FHIT: variants seen among roughly 807,000 people sequenced by gnomAD.
FHIT encodes the protein bis(5'-adenosyl)-triphosphatase.
FHIT carries 19 observed loss-of-function variants against 17.9 expected under a neutral mutation model. That is an observed-to-expected ratio of 1.06 (90% confidence interval 0.74 to 1.56). FHIT has a LOEUF of 1.56. Ranked by LOEUF, FHIT falls within the 40% of genes most tolerant of loss-of-function variation. The probability of loss-of-function intolerance (pLI) is 0.00; values close to 1 mark genes in which losing one functional copy is unlikely to be tolerated. For missense variants in FHIT, 248 were observed against 189.2 expected (o/e 1.31, Z -1.82); for synonymous variants, 81 against 69.7 (o/e 1.16, Z -0.81).
chr3:60,964,995 A>G (rs1284382473), intron 3 of FHIT, among the ~76,000 whole-genome samples: 1 of 152,124 alleles, frequency 6.6e-6, no homozygotes, highest in Non-Finnish European at 1.5e-5. Context: ...TAGGTTTGGG[A>G]AGTTCTCCTG....
rs140130580 is a variant in FHIT, at chr3:60,061,981, A to T, written c.104-47829T>A. On this transcript the variant is annotated intron_variant, in intron 5 of 9. Coordinates refer to ENST00000492590, the MANE Select transcript of FHIT (RefSeq NM_002012.4). ...AAGACTGACTTACTGCTAGAAGGGGAAAAAATGAAGATACGTCTCATGTCA... is the reference window on the plus strand; with the variant it reads ...AAGACTGACTTACTGCTAGAAGGGGTAAAAATGAAGATACGTCTCATGTCA... Among the ~76,000 whole-genome samples the T allele has an allele frequency of 7.2e-5, 11 of 152,278 alleles. No individual in the cohort carries two copies. The East Asian group carries it at 1.5e-3, about 21-fold the overall frequency.
intron 3 of FHIT, among the ~76,000 whole-genome samples, chr3:61,038,883 C>T (rs1163233934): frequency 1.3e-5 from 2 of 152,106 alleles, no homozygotes; most frequent in African/African-American, 4.8e-5. Flanking sequence ...AAAACAGTGA[C>T]AGAAGAACCA....
At chr3:60,633,836 G>T (rs1260540885) in intron 4 of FHIT, among the ~76,000 whole-genome samples, 3 of 152,208 alleles carry the variant, frequency 2.0e-5, no homozygotes, top group African/African-American at 7.2e-5. Flanking sequence ...AAGCCACAGA[G>T]CGCCTCTGCG....
At chr3:60,567,536 A>G (rs549182630) in intron 4 of FHIT, among the ~76,000 whole-genome samples, 2 of 152,350 alleles carry the variant, frequency 1.3e-5, no homozygotes, top group African/African-American at 2.4e-5. Context: ...CATTCAGGAC[A>G]TAAGTATGGG....
At chr3:59,867,277 A>T (rs1702699210) in intron 8 of FHIT, among the ~76,000 whole-genome samples, 1 of 150,548 alleles carries the variant, frequency 6.6e-6, no homozygotes. Flanking sequence ...TAAAATTTGG[A>T]CACACTTTCT....
intron 5 of FHIT, among the ~76,000 whole-genome samples, chr3:60,446,363 C>A (rs77609141): frequency 1.8e-3 from 275 of 152,248 alleles, no homozygotes; most frequent in African/African-American, 6.3e-3. Flanking sequence ...ATCCTACTCT[C>A]TGGCAGCCAG....
intron 3 of FHIT, among the ~76,000 whole-genome samples, chr3:61,031,626 C>A (rs1193468824): frequency 1.3e-5 from 2 of 152,102 alleles, no homozygotes; most frequent in Admixed American, 6.5e-5. Flanking sequence ...AAGTTCAGTT[C>A]CCAGAAACAA....
At chr3:59,851,794 T>C (rs568963037) in intron 8 of FHIT, among the ~76,000 whole-genome samples, 1 of 152,318 alleles carries the variant, frequency 6.6e-6, no homozygotes, top group Admixed American at 6.5e-5. Flanking sequence ...TTCTTGGAGG[T>C]GTTATTTTTA....
At chr3:60,322,117 T>C (rs1437541720) in intron 5 of FHIT, among the ~76,000 whole-genome samples, 1 of 152,202 alleles carries the variant, frequency 6.6e-6, no homozygotes, top group African/African-American at 2.4e-5. Flanking sequence ...GTACAGCCCA[T>C]AGAAATACCG....
chr3:60,577,253 G>C (rs1156819779), intron 4 of FHIT, among the ~76,000 whole-genome samples: 1 of 152,050 alleles, frequency 6.6e-6, no homozygotes. Flanking sequence ...AAATTCTGAA[G>C]CTGCCTTTCA....
chr3:59,929,966 G>A (rs1705886320), intron 7 of FHIT, among the ~76,000 whole-genome samples: 1 of 151,906 alleles, frequency 6.6e-6, no homozygotes, highest in Admixed American at 6.6e-5. Context: ...ACGAGTAAGG[G>A]AAGGAAACAA....
intron 7 of FHIT, among the ~76,000 whole-genome samples, chr3:59,985,793 A>C (rs2107450010): frequency 6.6e-6 from 1 of 152,264 alleles, no homozygotes; most frequent in Non-Finnish European, 1.5e-5. Flanking sequence ...TTTCACACTG[A>C]GCCTAGGCTG....
At chr3:59,977,275 G>A (rs756044563) in intron 7 of FHIT, among the ~76,000 whole-genome samples, 32 of 152,064 alleles carry the variant, frequency 2.1e-4, no homozygotes, top group Admixed American at 3.9e-4. Context: ...TCCAGCCTGC[G>A]GTTGCTTCCA....
intron 5 of FHIT, among the ~76,000 whole-genome samples, chr3:60,070,713 C>T (rs1702729756): frequency 6.6e-6 from 1 of 152,178 alleles, no homozygotes; most frequent in Admixed American, 6.5e-5. Flanking sequence ...CAGGGTGCCT[C>T]TGTTCAATAT....
intron 5 of FHIT, among the ~76,000 whole-genome samples, chr3:60,152,855 C>T (rs73834004): frequency 6.6e-6 from 1 of 152,080 alleles, no homozygotes; most frequent in Non-Finnish European, 1.5e-5. Flanking sequence ...CATGATGTCT[C>T]CCTGCTTTAA....
chr3:60,242,437 T>C (rs997848974), intron 5 of FHIT, among the ~76,000 whole-genome samples: 5 of 152,112 alleles, frequency 3.3e-5, no homozygotes, highest in African/African-American at 7.2e-5. Flanking sequence ...TACATATTAT[T>C]TCCAGGCATG....
intron 5 of FHIT, among the ~76,000 whole-genome samples, chr3:60,500,024 T>C (rs570281297): frequency 2.6e-5 from 4 of 152,354 alleles, no homozygotes; most frequent in South Asian, 2.1e-4. Flanking sequence ...CATTATTGTA[T>C]ACCTGGGGTC....
intron 8 of FHIT, among the ~76,000 whole-genome samples, chr3:59,916,387 G>A (rs1297044750): frequency 3.9e-5 from 6 of 152,114 alleles, no homozygotes; most frequent in Admixed American, 6.5e-5. Flanking sequence ...GACTCGGACT[G>A]GCTTCCTTGC....
intron 4 of FHIT, among the ~76,000 whole-genome samples, chr3:60,798,379 A>T (rs1701064723): frequency 6.6e-6 from 1 of 152,224 alleles, no homozygotes; most frequent in African/African-American, 2.4e-5. Context: ...CAATAACAGA[A>T]CATGTACAAT....
Sources: allele counts gnomAD v4.1 joint callset (sites outside exome capture counted in the v4.1 genomes callset), GRCh38; gene constraint gnomAD v4.1.1; transcripts MANE v1.5; gene names NCBI Gene and HGNC (gene_info 2026-07-23, HGNC 2026-07-21).